The following PTPDC1 variants were observed in gnomAD, a reference collection of about 807,000 sequenced individuals.
The protein encoded by PTPDC1 is protein tyrosine phosphatase domain-containing protein 1.
In PTPDC1, 53 loss-of-function variants were observed where a neutral mutation model predicts 75.3. The observed-to-expected ratio is 0.70, with a 90% CI of 0.56 to 0.88. The LOEUF is 0.88. Ranked by LOEUF, PTPDC1 falls within the 40% of genes least tolerant of loss-of-function variation. The pLI, the probability that PTPDC1 is intolerant of heterozygous loss-of-function variation, is 0.00. For missense variants in PTPDC1, 925 were observed against 998.6 expected, an observed-to-expected ratio of 0.93 and a Z score of 0.99; for synonymous variants, 349 against 366.2, an observed-to-expected ratio of 0.95 and a Z score of 0.54.
intron 1 of PTPDC1, among the ~76,000 whole-genome samples, chr9:94,053,390 T>C (rs545509064): frequency 1.6e-4 from 25 of 152,352 alleles, no homozygotes; most frequent in African/African-American, 5.5e-4. Flanking sequence ...CATGTCATTT[T>C]TTTAGGTTAT....
chr9:94,086,575 C>T (rs1165674520), intron 2 of PTPDC1, among the ~76,000 whole-genome samples: 1 of 152,106 alleles, frequency 6.6e-6, no homozygotes, highest in Non-Finnish European at 1.5e-5. Context: ...ACAGACTTAC[C>T]TTATATATCT....
At chr9:94,077,028 G>T (rs754243523) in intron 2 of PTPDC1, among the ~76,000 whole-genome samples, 2 of 152,084 alleles carry the variant, frequency 1.3e-5, no homozygotes, top group African/African-American at 4.8e-5. Flanking sequence ...AAATTATTGA[G>T]ATATAAGTCA....
At chr9:94,038,049 G>C in intron 1 of PTPDC1, 1 of 495,998 alleles carries the variant, frequency 2.0e-6, no homozygotes. Context: ...GTTGAGAAGG[G>C]CAAGAAGATT....
At chr9:94,099,092 A>G (rs576424097) in intron 6 of PTPDC1, among the ~76,000 whole-genome samples, 1 of 152,206 alleles carries the variant, frequency 6.6e-6, no homozygotes, top group African/African-American at 2.4e-5. Context: ...TAGGGCAACT[A>G]TGGGAAATCA....
upstream of PTPDC1, among the ~76,000 whole-genome samples, chr9:94,080,856 A>T (rs1008862796): frequency 1.3e-5 from 2 of 152,170 alleles, no homozygotes; most frequent in Non-Finnish European, 2.9e-5. Context: ...TCTCAACCAT[A>T]ATTTCCTGAT....
chr9:94,033,842 A>C (rs1829773295), intron 1 of PTPDC1, among the ~76,000 whole-genome samples: 1 of 152,232 alleles, frequency 6.6e-6, no homozygotes, highest in Non-Finnish European at 1.5e-5. Flanking sequence ...CATCTTTTTA[A>C]AAAACTTTGC....
At chr9:94,103,810 G>A (rs993786316) in intron 7 of PTPDC1, among the ~76,000 whole-genome samples, 1 of 152,170 alleles carries the variant, frequency 6.6e-6, no homozygotes, top group Non-Finnish European at 1.5e-5. Flanking sequence ...GGGGACTGGG[G>A]TTGTCCTTGT....
chr9:94,061,511 C>A (rs1826136798), intron 1 of PTPDC1, among the ~76,000 whole-genome samples: 1 of 152,252 alleles, frequency 6.6e-6, no homozygotes, highest in African/African-American at 2.4e-5. Flanking sequence ...AGCAGTTCTC[C>A]ATGAGGGCTC....
chr9:94,037,981 G>T (rs1825322179), intron 1 of PTPDC1: 2 of 291,626 alleles, frequency 6.9e-6, no homozygotes, highest in African/African-American at 2.2e-5. Flanking sequence ...GGGACGTCCG[G>T]CTTCGGGGTA....
chr9:94,081,584 C>T (rs1826885328), upstream of PTPDC1, among the ~76,000 whole-genome samples: 1 of 152,132 alleles, frequency 6.6e-6, no homozygotes, highest in East Asian at 1.9e-4. Flanking sequence ...TGCTGCTGCA[C>T]AGTCAAATAG....
intron 2 of PTPDC1, among the ~76,000 whole-genome samples, chr9:94,078,845 T>C (rs1056274685): frequency 6.6e-5 from 10 of 152,206 alleles, no homozygotes; most frequent in Non-Finnish European, 1.2e-4. Context: ...CCCATCTCTT[T>C]ATTGGTATTC....
At chr9:94,031,753 G>A (rs1489162818) in intron 1 of PTPDC1, among the ~76,000 whole-genome samples, 1 of 152,106 alleles carries the variant, frequency 6.6e-6, no homozygotes, top group East Asian at 1.9e-4. Context: ...AGCAGATTCG[G>A]AAATAAAATG....
intron 2 of PTPDC1, among the ~76,000 whole-genome samples, chr9:94,069,969 C>T (rs1326942421): frequency 2.6e-5 from 4 of 151,830 alleles, no homozygotes; most frequent in Admixed American, 1.3e-4. Flanking sequence ...GGACTACAGG[C>T]GCCCGCCACC....
chr9:94,091,035 A>G (rs547873790), intron 4 of PTPDC1, among the ~76,000 whole-genome samples: 9 of 152,226 alleles, frequency 5.9e-5, no homozygotes, highest in African/African-American at 2.2e-4. Flanking sequence ...AAACAGGGAC[A>G]ATTTGACTTC....
intron 1 of PTPDC1, among the ~76,000 whole-genome samples, chr9:94,058,654 C>T (rs750413137): frequency 3.3e-5 from 5 of 151,932 alleles, no homozygotes; most frequent in Admixed American, 6.6e-5. Context: ...TGCAGTGAGC[C>T]GAGATTGTGC....
At chr9:94,076,853 G>A (rs938252902) in intron 2 of PTPDC1, among the ~76,000 whole-genome samples, 5 of 151,764 alleles carry the variant, frequency 3.3e-5, no homozygotes, top group South Asian at 4.2e-4. Flanking sequence ...TATTATTGTC[G>A]GGCATTTGAT....
chr9:94,097,457 T>C lies in PTPDC1; in HGVS notation c.891T>C (p.Phe297=). ...QLLCVREFTQ[F]LTPLRNIFSC... is the part of the protein sequence containing the mutation. Reference sequence around the variant, plus strand: ...TCTGTGTAAGGGAATTTACTCAGTTTCTAACTCCTCTCCGCAATATATTCT... The same window carrying C: ...TCTGTGTAAGGGAATTTACTCAGTTCCTAACTCCTCTCCGCAATATATTCT... Residue 297 remains phenylalanine (F), a synonymous_variant, in exon 6 of 9, where the codon TTT becomes TTC. Coordinates refer to ENST00000620992, the MANE Select transcript of PTPDC1 (RefSeq NM_001253829.2). 1 of 1,614,212 alleles carries C rather than the reference T, an allele frequency of 6.2e-7. No individual in the cohort carries two copies. Among genetic ancestry groups the C allele is most frequent in the Non-Finnish European group, 8.5e-7 (1 of 1,180,028 alleles).
intron 2 of PTPDC1, among the ~76,000 whole-genome samples, chr9:94,076,811 C>T (rs939663965): frequency 6.6e-6 from 1 of 152,082 alleles, no homozygotes; most frequent in Non-Finnish European, 1.5e-5. Flanking sequence ...TAGATAAGGG[C>T]TCTCATTTTT....
intron 1 of PTPDC1, among the ~76,000 whole-genome samples, chr9:94,062,339 C>T (rs1261927161): frequency 2.0e-5 from 3 of 152,332 alleles, no homozygotes; most frequent in African/African-American, 7.2e-5. Context: ...AACCATTCAA[C>T]AAGTCTCTAG....
Sources: gnomAD v4.1 joint callset for allele counts (sites outside exome capture counted in the v4.1 genomes callset) on GRCh38, gnomAD v4.1.1 for gene constraint, MANE v1.5 for transcripts, NCBI Gene and HGNC (gene_info 2026-07-23, HGNC 2026-07-21) for gene names.